The following EXOC3L2 variants were observed in gnomAD, a reference collection of about 807,000 sequenced individuals.
The protein encoded by EXOC3L2 is exocyst complex component 3-like protein 2.
EXOC3L2 carries 17 observed loss-of-function variants against 44.4 expected under a neutral mutation model. The ratio of observed to expected loss-of-function variants is 0.38; its 90% CI spans 0.26 to 0.57. The LOEUF (loss-of-function observed/expected upper bound fraction) is 0.57. Among genes scored for constraint, EXOC3L2 ranks in the 20% least tolerant of loss-of-function variants. EXOC3L2 has a pLI of 0.65. For missense variants in EXOC3L2, 541 were observed against 588.4 expected, an observed-to-expected ratio of 0.92 and a Z score of 0.83; for synonymous variants, 256 against 253.7, an observed-to-expected ratio of 1.01 and a Z score of -0.09.
chr19:45,244,245 C>T (rs1272318849), intron 1 of EXOC3L2, among the ~76,000 whole-genome samples: 1 of 152,076 alleles, frequency 6.6e-6, no homozygotes, highest in Non-Finnish European at 1.5e-5. Context: ...ATCCTCTGAA[C>T]TGGCATCCAC....
rs766514950 is a variant in EXOC3L2, at chr19:45,224,904, G to C, written c.1593C>G (p.Ala531=). ...VNCGPPLRAL[A]ERLARVGPPE... is the part of the protein sequence containing the mutation. Reference sequence around the variant, plus strand: ...GGGGCCCCACCCGGGCCAGGCGCTCGGCCAGAGCTCTGTGGGGATCAACAG... The same window carrying C: ...GGGGCCCCACCCGGGCCAGGCGCTCCGCCAGAGCTCTGTGGGGATCAACAG... Residue 531 remains alanine (A), a synonymous_variant, in exon 8 of 12, where the codon GCC becomes GCG. Transcript: ENST00000413988. 15 of 1,551,192 alleles carry C rather than the reference G, an allele frequency of 9.7e-6. No individual in the cohort carries two copies. Among genetic ancestry groups the C allele is most frequent in the South Asian group, 6.1e-5 (5 of 82,050 alleles).
At chr19:45,236,821 A>G (rs1970088185) in intron 2 of EXOC3L2, among the ~76,000 whole-genome samples, 1 of 151,638 alleles carries the variant, frequency 6.6e-6, no homozygotes, top group Non-Finnish European at 1.5e-5. Flanking sequence ...ACATGGCAAA[A>G]CCCCATCTCT....
chr19:45,225,306 T>A lies in EXOC3L2; in HGVS notation c.1584-393A>T, dbSNP rs1212973408. Among the ~76,000 whole-genome samples the A allele has an allele frequency of 3.3e-5, 5 of 151,806 alleles. No individual in the cohort carries two copies. The East Asian group carries it at 9.7e-4, about 30-fold the overall frequency. On this transcript the variant is annotated intron_variant, in intron 7 of 11. Transcript: ENST00000413988. ...TTTTTTGAGACGGAGTCTCGCTCTG[T>A]CACCCAGGCTGCAGTGCAGTGGTGC... is the stretch of plus-strand genomic sequence containing the variant.
intron 11 of EXOC3L2, among the ~76,000 whole-genome samples, chr19:45,215,158 AAAC>A (rs887288571): frequency 7.1e-4 from 108 of 152,056 alleles, no homozygotes; most frequent in African/African-American, 2.5e-3. Context: ...AAAACAAAAC[AAAC>A]AACAACAAAA....
At chr19:45,213,766 G>A (rs1026036940) in intron 11 of EXOC3L2, among the ~76,000 whole-genome samples, 4 of 151,204 alleles carry the variant, frequency 2.6e-5, no homozygotes, top group Admixed American at 1.3e-4. Flanking sequence ...CCAACATGGC[G>A]AAACCCTCTC....
At chr19:45,215,975 C>T in intron 11 of EXOC3L2, 98 bp downstream of exon 11, 1 of 1,506,436 alleles carries the variant, frequency 6.6e-7, no homozygotes, top group South Asian at 1.2e-5. Context: ...CTCACCGGCT[C>T]CCTCCCTCAG....
Position 45,227,871 on chromosome 19 carries a change from C to A in EXOC3L2, c.1473-99G>T. The A allele has an allele frequency of 3.4e-5, 51 of 1,515,518 alleles. 1 individual carries two copies. In the South Asian group the frequency reaches 6.0e-4, roughly 18 times the overall value. The allele number at this position is 1,515,518 out of a possible 1,614,324, so 93.9% of individuals were successfully genotyped here. A position where few individuals can be genotyped will look rare whatever the true frequency, so the allele number is the denominator to read the frequency against. On this transcript the variant is annotated intron_variant, in intron 6 of 11. Transcript: ENST00000413988. Reference sequence around the variant, plus strand: ...CACCATCCCTGCGGTGGCACTCTACCTGTCCTCAGGTGACTCCCTCTCATC... The same window carrying A: ...CACCATCCCTGCGGTGGCACTCTACATGTCCTCAGGTGACTCCCTCTCATC...
intron 4 of EXOC3L2, among the ~76,000 whole-genome samples, chr19:45,229,634 T>C (rs1970008754): frequency 6.7e-6 from 1 of 149,382 alleles, no homozygotes; most frequent in African/African-American, 2.4e-5. Context: ...TCACCTGAGG[T>C]TGGGAGTTCA....
chr19:45,223,382 A>G (rs1298088319), intron 8 of EXOC3L2, among the ~76,000 whole-genome samples: 2 of 151,896 alleles, frequency 1.3e-5, no homozygotes, highest in Non-Finnish European at 2.9e-5. Flanking sequence ...TCGCTCTGTC[A>G]CCCAGGCTGC....
chr19:45,235,967 G>T (rs988146725), intron 2 of EXOC3L2, among the ~76,000 whole-genome samples: 5 of 152,150 alleles, frequency 3.3e-5, no homozygotes, highest in African/African-American at 9.7e-5. Context: ...TTAAGATGGG[G>T]ATTGGGACAC....
At position 45,234,715 on chromosome 19, in the gene EXOC3L2, G is replaced by A. The variant is rs1970065683; in HGVS notation, c.635C>T (p.Pro212Leu). Residue 212 changes from proline (P) to leucine (L), a missense_variant, in exon 3 of 12, where the codon CCT (proline) becomes CTT (leucine). Transcript: ENST00000413988. This position sits in a 1 kb window ranked among gnomAD's most constrained non-coding sequence, Gnocchi z 5.0. Reference protein sequence around the residue: ...LAPSRGGAPGPPKAEGAGGGR... With the variant: ...LAPSRGGAPGLPKAEGAGGGR... ...CCCGCCAGCGCCCTCGGCCTTGGGA[G>A]GCCCAGGCGCGCCGCCCCTCGACGG... is the stretch of plus-strand genomic sequence containing the variant. 4 of 391,186 alleles carry A rather than the reference G, an allele frequency of 1.0e-5. No individual in the cohort carries two copies. Among genetic ancestry groups the A allele is most frequent in the Non-Finnish European group, 1.8e-5 (4 of 221,332 alleles). The allele number at this position is 391,186 out of a possible 1,614,324, so 24.2% of individuals were successfully genotyped here.
chr19:45,221,100 T>C (rs1969892102), intron 8 of EXOC3L2, among the ~76,000 whole-genome samples: 2 of 151,852 alleles, frequency 1.3e-5, no homozygotes, highest in Admixed American at 1.3e-4. Flanking sequence ...AGTTCGGAGA[T>C]ATCCCCAAGA....
Position 45,213,119 on chromosome 19 carries a change from G to A in EXOC3L2, c.2359C>T (p.Leu787=). The change falls in exon 12 of 12, where the codon CTG becomes TTG. Residue 787 remains leucine (L), a synonymous_variant. Coordinates refer to ENST00000413988, the MANE Select transcript of EXOC3L2 (RefSeq NM_001382422.1). ...SRLARPSLAC[L]PRPRPPSLAR... ...AGAGACGGAGGCCGGGGCCGAGGCAGACAGGCCAAACTGGGCCTGGCCAGC... is the reference window on the plus strand; with the variant it reads ...AGAGACGGAGGCCGGGGCCGAGGCAAACAGGCCAAACTGGGCCTGGCCAGC... 2.6e-6 allele frequency: 4 copies of A among 1,558,136 alleles called. No individual in the cohort carries two copies. The highest frequency in any genetic ancestry group is 1.4e-5 in the African/African-American group (1 of 72,736).
rs1017346384 is a variant in EXOC3L2 at position 45,227,563 on chromosome 19, CCT to C, written c.1583+97_1583+98del. On this transcript the variant is annotated intron_variant, in intron 7 of 11. Transcript: ENST00000413988. The stretch of plus-strand genomic sequence containing the variant: ...GTCTAAGGTCCCATGCTCAGACTCC[CCT>C]GAGTCAGTTCTGCAATCCCCACCCA... 7.9e-5 allele frequency: 78 copies of C among 991,516 alleles called. No individual in the cohort carries two copies. The Middle Eastern group carries it at 1.8e-3, about 23-fold the overall frequency. The allele number at this position is 991,516 out of a possible 1,614,324, so 61.4% of individuals were successfully genotyped here.
At position 45,238,510 on chromosome 19, in the gene EXOC3L2, G is replaced by C. The variant is rs1303175748; in HGVS notation, c.523+13C>G. ...GGGATTCTCCCAGGACAGGGTCAGG[G>C]CTCCGGACTCACCTGACAATGGCTC... On this transcript the variant is annotated intron_variant, in intron 2 of 11. Transcript: ENST00000413988. The surrounding 1 kb of genome is among the most constrained non-coding windows in gnomAD (Gnocchi z 5.5). 2.5e-6 allele frequency: 1 copy of C among 399,426 alleles called. No homozygotes were observed. The highest frequency in any genetic ancestry group is 2.1e-5 in the African/African-American group (1 of 48,648). 24.7% of individuals were successfully genotyped at this position (399,426 alleles called of 1,614,324 possible).
chr19:45,240,540 G>GATAA (rs1970122943), intron 1 of EXOC3L2, among the ~76,000 whole-genome samples: 1 of 152,144 alleles, frequency 6.6e-6, no homozygotes, highest in Admixed American at 6.6e-5. Context: ...TCTGGAACTA[G>GATAA]ATAAAGGTGA....
At position 45,234,079 on chromosome 19, in the gene EXOC3L2, A is replaced by T. The variant is rs1031612084; in HGVS notation, c.1157+114T>A. 1 of 372,610 alleles carries T rather than the reference A, an allele frequency of 2.7e-6. No homozygotes were observed. Among genetic ancestry groups the T allele is most frequent in the African/African-American group, 2.1e-5 (1 of 47,414 alleles). 23.1% of individuals were successfully genotyped at this position (372,610 alleles called of 1,614,324 possible). A position where few individuals can be genotyped will look rare whatever the true frequency, so the allele number is the denominator to read the frequency against. ...ACGACTGGATGGGTTAATGGTGTTA[A>T]AGTGCTAGGACTGTAGGGTCAGCTG... is the stretch of plus-strand genomic sequence containing the variant. On this transcript the variant is annotated intron_variant, in intron 3 of 11. Transcript: ENST00000413988. The surrounding 1 kb of genome is among the most constrained non-coding windows in gnomAD (Gnocchi z 5.0).
chr19:45,235,750 G>T (rs1354082650), intron 2 of EXOC3L2, among the ~76,000 whole-genome samples: 1 of 152,150 alleles, frequency 6.6e-6, no homozygotes, highest in Non-Finnish European at 1.5e-5. Context: ...CGGGGCTCTA[G>T]TCACCCCCTC....
At position 45,235,469 on chromosome 19, in the gene EXOC3L2, G is replaced by A. The variant is rs74717581; in HGVS notation, c.524-643C>T. ...GAGATGGAGGCAGCCGGTGGGAGTA[G>A]GAGGGGCAGGGTGGTGACTTGGAGA... On this transcript the variant is annotated intron_variant, in intron 2 of 11. Transcript: ENST00000413988. 2.6e-4 allele frequency among the ~76,000 whole-genome samples: 40 copies of A among 152,184 alleles called. 1 individual carries two copies. In the East Asian group the frequency reaches 7.5e-3, roughly 29 times the overall value.
Sources: allele counts gnomAD v4.1 joint callset (sites outside exome capture counted in the v4.1 genomes callset), GRCh38; gene constraint gnomAD v4.1.1; non-coding constraint Gnocchi (gnomAD v3.1); transcripts MANE v1.5; gene names NCBI Gene and HGNC (gene_info 2026-07-23, HGNC 2026-07-21).